Variants in IMPG1 observed in about 807,000 individuals in gnomAD.
The protein encoded by IMPG1 is interphotoreceptor matrix proteoglycan of 150 kDa.
Under a neutral mutation model 92.0 loss-of-function variants are expected in IMPG1, and 85 were observed. The observed-to-expected ratio is 0.92, with a 90% CI of 0.78 to 1.11. The LOEUF is 1.11. Ranked by LOEUF, IMPG1 falls within the 50% of genes least tolerant of loss-of-function variation. IMPG1 has a pLI of 0.00. For synonymous variants in IMPG1, 367 were observed against 334.1 expected, an observed-to-expected ratio of 1.10 and a Z score of -1.08; for missense variants, 1,022 against 956.0, an observed-to-expected ratio of 1.07 and a Z score of -0.91.
intron 15 of IMPG1, among the ~76,000 whole-genome samples, chr6:75,928,106 T>A (rs1045817643): frequency 7.9e-5 from 12 of 152,154 alleles, no homozygotes; most frequent in Non-Finnish European, 1.6e-4. Context: ...CGGAATACAT[T>A]CCTGTTCACA....
In IMPG1 at chr6:75,947,359, G is replaced by A; in HGVS notation, c.1999C>T (p.Gln667Ter). The A allele has an allele frequency of 3.7e-6, 6 of 1,613,942 alleles. No homozygotes were observed. Among genetic ancestry groups the A allele is most frequent in the Non-Finnish European group, 5.1e-6 (6 of 1,179,874 alleles). Residue 667 changes from glutamine to a stop codon, truncating the protein, a stop_gained, in exon 14 of 17, where the codon CAA becomes TAA. Coordinates refer to ENST00000369950, the MANE Select transcript of IMPG1 (RefSeq NM_001563.4). LOFTEE classifies it high-confidence loss of function. ...LEDFRSAAAQ[Q>*]LHLEIDSYSL... is the part of the protein sequence containing the mutation. ...TAGCTGTCTATTTCCAGATGGAGTTGTTGGGCTGCAGCAGAACGAAAATCC... is the reference window on the plus strand; with the variant it reads ...TAGCTGTCTATTTCCAGATGGAGTTATTGGGCTGCAGCAGAACGAAAATCC...
intron 1 of IMPG1, among the ~76,000 whole-genome samples, chr6:76,046,763 T>C (rs560463507): frequency 2.6e-5 from 4 of 152,278 alleles, no homozygotes; most frequent in East Asian, 3.9e-4. Context: ...GCTAAAACAG[T>C]GTAAGACACA....
intron 12 of IMPG1, among the ~76,000 whole-genome samples, chr6:76,001,433 G>A (rs986844485): frequency 6.6e-6 from 1 of 151,244 alleles, no homozygotes; most frequent in African/African-American, 2.5e-5. Context: ...CAAGAGAGAA[G>A]CTCTATGTCC....
intron 7 of IMPG1, among the ~76,000 whole-genome samples, chr6:76,012,199 A>G (rs1411781279): frequency 6.6e-6 from 1 of 152,242 alleles, no homozygotes; most frequent in Admixed American, 6.5e-5. Flanking sequence ...GAGGCCTGTT[A>G]TAATATTTTA....
At chr6:75,940,856 C>T (rs1429130656) in intron 14 of IMPG1, among the ~76,000 whole-genome samples, 1 of 152,178 alleles carries the variant, frequency 6.6e-6, no homozygotes, top group Non-Finnish European at 1.5e-5. Context: ...TTTCCTCTTG[C>T]ATCTTCTGGA....
Position 76,022,224 on chromosome 6 carries a change from G to A in IMPG1, c.563-5C>T. 1.3e-6 allele frequency: 2 copies of A among 1,544,850 alleles called. No homozygotes were observed. Among genetic ancestry groups the A allele is most frequent in the Non-Finnish European group, 1.8e-6 (2 of 1,126,300 alleles). On this transcript the variant is annotated splice_polypyrimidine_tract_variant and splice_region_variant and intron_variant, in intron 5 of 16. Transcript: ENST00000369950. Reference sequence around the variant, plus strand: ...CAAGTGAGACGTTGGCAACATCTGTGAAAATTTTAAAAATTAAAGACACAA... The same window carrying A: ...CAAGTGAGACGTTGGCAACATCTGTAAAAATTTTAAAAATTAAAGACACAA...
rs750217365 is a variant in IMPG1, at chr6:76,011,180, A to G, written c.852T>C (p.His284=). 2 of 1,537,010 alleles carry G rather than the reference A, an allele frequency of 1.3e-6. No individual in the cohort carries two copies. The highest frequency in any genetic ancestry group is 1.8e-6 in the Non-Finnish European group (2 of 1,111,356). ...CTCTTACTTACCTAAATCCTAACAC[A>G]TGGATTTTTTTGAATCCTGGAAGTT... ...FKKLPGFKKI[H]VLGFRPKKEK... The change falls in exon 8 of 17, where the codon CAT becomes CAC. Residue 284 remains histidine (H), a synonymous_variant. Coordinates refer to ENST00000369950, the MANE Select transcript of IMPG1 (RefSeq NM_001563.4).
At chr6:76,033,783 A>G (rs1406942721) in intron 4 of IMPG1, among the ~76,000 whole-genome samples, 2 of 152,170 alleles carry the variant, frequency 1.3e-5, no homozygotes, top group African/African-American at 2.4e-5. Flanking sequence ...TTCTTTAATC[A>G]TTTAATCTAA....
intron 12 of IMPG1, among the ~76,000 whole-genome samples, chr6:75,977,679 G>C (rs186143533): frequency 8.6e-4 from 131 of 151,954 alleles, no homozygotes; most frequent in Non-Finnish European, 1.4e-3. Context: ...ACTCGAGGTG[G>C]ACTAAAGACC....
intron 1 of IMPG1, among the ~76,000 whole-genome samples, chr6:76,044,479 T>A (rs879500359): frequency 6.6e-6 from 1 of 152,270 alleles, no homozygotes. Flanking sequence ...ATCGGCCTGG[T>A]CCTGTTCCGT....
At chr6:76,006,340 C>T (rs1783096635) in intron 9 of IMPG1, among the ~76,000 whole-genome samples, 1 of 147,574 alleles carries the variant, frequency 6.8e-6, no homozygotes, top group Non-Finnish European at 1.5e-5. Context: ...TATATATATG[C>T]ACACAATATA....
chr6:76,030,185 G>A (rs2149486640), intron 4 of IMPG1, among the ~76,000 whole-genome samples: 1 of 152,250 alleles, frequency 6.6e-6, no homozygotes, highest in African/African-American at 2.4e-5. Context: ...GAGACATAAG[G>A]GAGAGCAGAT....
chr6:76,014,852 G>A (rs1168258920), intron 7 of IMPG1, among the ~76,000 whole-genome samples: 1 of 152,154 alleles, frequency 6.6e-6, no homozygotes, highest in Non-Finnish European at 1.5e-5. Flanking sequence ...TTATGTCCAT[G>A]CCCTCTTTGT....
chr6:76,008,765 T>C (rs1185699618), intron 8 of IMPG1, among the ~76,000 whole-genome samples: 1 of 152,166 alleles, frequency 6.6e-6, no homozygotes, highest in Admixed American at 6.5e-5. Context: ...TGGTATACGA[T>C]CCAAGAATTT....
At chr6:76,029,835 C>T (rs920272962) in intron 4 of IMPG1, among the ~76,000 whole-genome samples, 1 of 152,138 alleles carries the variant, frequency 6.6e-6, no homozygotes, top group African/African-American at 2.4e-5. Flanking sequence ...CTTGGTGTGT[C>T]ACAAGACATC....
At chr6:75,945,780 A>G (rs1010378798) in intron 14 of IMPG1, among the ~76,000 whole-genome samples, 1 of 152,174 alleles carries the variant, frequency 6.6e-6, no homozygotes, top group African/African-American at 2.4e-5. Context: ...AGTGTCCCTT[A>G]TACAGCCCTG....
In IMPG1 at chr6:75,936,632, C is replaced by CT. The variant is rs1174825409; in HGVS notation, c.2045-5482dup. Among the ~76,000 whole-genome samples the CT allele has an allele frequency of 3.9e-5, 6 of 152,182 alleles. No individual in the cohort carries two copies. The South Asian group carries it at 6.2e-4, about 16-fold the overall frequency. On this transcript the variant is annotated intron_variant, in intron 14 of 16. Transcript: ENST00000369950. ...CCACCACAGCTGACTCTCAATAATC[C>CT]TTTTTTGTGTGAGTGGATGTGTGAA... is the stretch of plus-strand genomic sequence containing the variant.
intron 1 of IMPG1, among the ~76,000 whole-genome samples, chr6:76,061,243 T>C (rs1055554313): frequency 3.3e-5 from 5 of 152,240 alleles, no homozygotes; most frequent in African/African-American, 1.2e-4. Flanking sequence ...TGCCACAGAT[T>C]GTTCATTTGT....
intron 4 of IMPG1, among the ~76,000 whole-genome samples, chr6:76,029,926 C>G (rs542205971): frequency 5.3e-5 from 8 of 151,982 alleles, no homozygotes; most frequent in East Asian, 1.9e-4. Context: ...CATGTAACCC[C>G]CCGAGACATA....
Sources: allele counts gnomAD v4.1 joint callset (sites outside exome capture counted in the v4.1 genomes callset), GRCh38; gene constraint gnomAD v4.1.1; transcripts MANE v1.5; gene names NCBI Gene and HGNC (gene_info 2026-07-23, HGNC 2026-07-21).